Variants in DCBLD2 observed in about 807,000 individuals in gnomAD.
DCBLD2 encodes the protein discoidin, CUB and LCCL domain containing 2.
In DCBLD2, 54 loss-of-function variants were observed where a neutral mutation model predicts 86.8. The ratio of observed to expected loss-of-function variants is 0.62; its 90% confidence interval spans 0.50 to 0.78. The LOEUF is 0.78. DCBLD2 is among the 30% of genes least tolerant of loss of function. The probability of loss-of-function intolerance (pLI) is 0.00; values close to 1 mark genes in which losing one functional copy is unlikely to be tolerated. For synonymous variants in DCBLD2, 354 were observed against 341.3 expected (o/e 1.04, Z -0.41); for missense variants, 908 against 954.2 (o/e 0.95, Z 0.64).
intron 12 of DCBLD2, among the ~76,000 whole-genome samples, chr3:98,809,782 A>T (rs1179464556): frequency 6.6e-6 from 1 of 152,204 alleles, no homozygotes; most frequent in African/African-American, 2.4e-5. Context: ...TGACCATGAC[A>T]TAATCTTTTC....
chr3:98,811,359 T>A (rs766366039), intron 11 of DCBLD2, 40 bp from the exon 12 acceptor site: 1 of 1,612,486 alleles, frequency 6.2e-7, no homozygotes. Flanking sequence ...TTTTAATCTG[T>A]ACCAACTTGA....
At chr3:98,845,916 T>A (rs1942711931) in intron 3 of DCBLD2, among the ~76,000 whole-genome samples, 1 of 152,230 alleles carries the variant, frequency 6.6e-6, no homozygotes, top group South Asian at 2.1e-4. Flanking sequence ...AAAACTCTGC[T>A]TTTTATCAAT....
Position 98,838,152 on chromosome 3 carries a change from C to CT in DCBLD2, c.571+11308_571+11309insA, listed in dbSNP as rs1379357690. On this transcript the variant is annotated intron_variant, in intron 3 of 15. Transcript: ENST00000326840. ...GCTGGTCGGGCGGGGGGCTGACCCC[C>CT]CCCACCTCCCTCCCGGACGGGGTGG... Among the ~76,000 whole-genome samples, 1,036 of 128,100 alleles carry CT rather than the reference C, an allele frequency of 8.1e-3. 5 individuals carry two copies. Among genetic ancestry groups the CT allele is most frequent in the African/African-American group, 0.028 (967 of 34,112 alleles). 84.0% of individuals were successfully genotyped at this position (128,100 alleles called of 152,430 possible).
chr3:98,891,605 T>A (rs985746094), intron 1 of DCBLD2, among the ~76,000 whole-genome samples: 1 of 152,068 alleles, frequency 6.6e-6, no homozygotes, highest in Non-Finnish European at 1.5e-5. Flanking sequence ...TACAACGAAG[T>A]TCAAATGCTT....
rs1367369144 is a variant in DCBLD2 at position 98,812,402 on chromosome 3, C to T, written c.1293G>A (p.Val431=). The change falls in exon 10 of 16, where the codon GTG becomes GTA. Residue 431 remains valine, a synonymous_variant. Transcript: ENST00000326840. Reference sequence around the variant, plus strand: ...TTTTCTGCTGCCATTGGGTAGGATTCACTCTAATAAAACGTGCAATAATTG... The same window carrying T: ...TTTTCTGCTGCCATTGGGTAGGATTTACTCTAATAAAACGTGCAATAATTG... ...LPPIIARFIR[V]NPTQWQQKIA... 5 of 1,613,472 alleles carry T rather than the reference C, an allele frequency of 3.1e-6. No individual in the cohort carries two copies. The East Asian group carries it at 1.1e-4, about 36-fold the overall frequency.
intron 10 of DCBLD2, among the ~76,000 whole-genome samples, chr3:98,811,760 T>C (rs530296448): frequency 2.0e-5 from 3 of 152,282 alleles, no homozygotes; most frequent in Admixed American, 2.0e-4. Flanking sequence ...TTTTAAATAA[T>C]TAAATCATCT....
intron 1 of DCBLD2, among the ~76,000 whole-genome samples, chr3:98,897,626 C>G (rs1943773114): frequency 6.6e-6 from 1 of 152,084 alleles, no homozygotes; most frequent in African/African-American, 2.4e-5. Context: ...TAAACTTTTT[C>G]ACATATTGGT....
At chr3:98,892,904 C>T (rs1390112851) in intron 1 of DCBLD2, among the ~76,000 whole-genome samples, 3 of 152,080 alleles carry the variant, frequency 2.0e-5, no homozygotes, top group Non-Finnish European at 4.4e-5. Context: ...GATCAAAAAA[C>T]ACTGAAGCAC....
At chr3:98,860,112 G>C (rs1461746060) in intron 2 of DCBLD2, among the ~76,000 whole-genome samples, 6 of 152,246 alleles carry the variant, frequency 3.9e-5, no homozygotes, top group African/African-American at 1.4e-4. Context: ...TCAACTGGAA[G>C]AAAGGGTATC....
intron 1 of DCBLD2, among the ~76,000 whole-genome samples, chr3:98,884,951 G>C (rs1943534897): frequency 6.6e-6 from 1 of 151,990 alleles, no homozygotes; most frequent in South Asian, 2.1e-4. Flanking sequence ...GTAATTTTTA[G>C]GTGTCTTATG....
intron 3 of DCBLD2, among the ~76,000 whole-genome samples, chr3:98,847,491 T>A (rs1464855360): frequency 1.3e-5 from 2 of 152,246 alleles, no homozygotes; most frequent in African/African-American, 4.8e-5. Context: ...AGCCTTCACA[T>A]CTTGCCCTAC....
At chr3:98,810,550 T>C (rs945653832) in intron 12 of DCBLD2, among the ~76,000 whole-genome samples, 1 of 152,216 alleles carries the variant, frequency 6.6e-6, no homozygotes, top group Non-Finnish European at 1.5e-5. Flanking sequence ...CACTGACACT[T>C]TTTTGAATTC....
At position 98,799,274 on chromosome 3, in the gene DCBLD2, A is replaced by G; in HGVS notation, c.*98T>C. 2 of 1,280,072 alleles carry G rather than the reference A, an allele frequency of 1.6e-6. No homozygotes were observed. Among genetic ancestry groups the G allele is most frequent in the Non-Finnish European group, 2.1e-6 (2 of 932,174 alleles). The allele number at this position is 1,280,072 out of a possible 1,614,324, so 79.3% of individuals were successfully genotyped here. On this transcript the variant is annotated 3_prime_UTR_variant, in exon 16 of 16. Coordinates refer to ENST00000326840, the MANE Select transcript of DCBLD2 (RefSeq NM_080927.4). ...CACATTTTCCCCAACCACTTCAGTGACAGTTATGTAATACATTCTATATAT... is the reference window on the plus strand; with the variant it reads ...CACATTTTCCCCAACCACTTCAGTGGCAGTTATGTAATACATTCTATATAT...
chr3:98,800,852 AC>A, intron 14 of DCBLD2, 136 bp from the exon 15 acceptor site: 2 of 1,100,726 alleles, frequency 1.8e-6, no homozygotes, highest in Non-Finnish European at 2.5e-6. Context: ...TTATAATCCA[AC>A]TTTTTTTTTT....
At chr3:98,866,920 C>T (rs1476968363) in intron 2 of DCBLD2, among the ~76,000 whole-genome samples, 11 of 152,240 alleles carry the variant, frequency 7.2e-5, no homozygotes, top group Non-Finnish European at 1.5e-5. Context: ...CAGCTTTTTA[C>T]ATATGGCTAG....
intron 3 of DCBLD2, among the ~76,000 whole-genome samples, chr3:98,847,565 T>C (rs1942749474): frequency 6.6e-6 from 1 of 152,210 alleles, no homozygotes; most frequent in Non-Finnish European, 1.5e-5. Context: ...TATCACTTTC[T>C]ATATGAAACT....
At chr3:98,884,973 T>C (rs1943535447) in intron 1 of DCBLD2, among the ~76,000 whole-genome samples, 1 of 152,162 alleles carries the variant, frequency 6.6e-6, no homozygotes, top group African/African-American at 2.4e-5. Flanking sequence ...TCATGTTTGA[T>C]TCTCAATAAA....
intron 6 of DCBLD2, 111 bp from the exon 7 acceptor site, chr3:98,820,399 G>A (rs1942097870): frequency 1.3e-6 from 1 of 760,868 alleles, no homozygotes. Context: ...AAAGAACCAA[G>A]AAGACTGTGT....
Position 98,866,803 on chromosome 3 carries a change from C to A in DCBLD2, c.433+14737G>T, listed in dbSNP as rs200839879. Among the ~76,000 whole-genome samples, 17 of 152,144 alleles carry A rather than the reference C, an allele frequency of 1.1e-4. No individual in the cohort carries two copies. The East Asian group carries it at 2.7e-3, about 24-fold the overall frequency. On this transcript the variant is annotated intron_variant, in intron 2 of 15. Transcript: ENST00000326840. ...GCCCATGCCTATGTCCTGAATGGTA[C>A]TGCCTAGGTTTTCTTCTAGGGTTTT... is the stretch of plus-strand genomic sequence containing the variant.
Sources: allele counts gnomAD v4.1 joint callset (sites outside exome capture counted in the v4.1 genomes callset), GRCh38; gene constraint gnomAD v4.1.1; transcripts MANE v1.5; gene names NCBI Gene and HGNC (gene_info 2026-07-23, HGNC 2026-07-21).